Variants in CUX2 observed in about 807,000 individuals in gnomAD.
The protein encoded by CUX2 is cut like homeobox 2.
CUX2 carries 40 observed loss-of-function variants against 144.8 expected under a neutral mutation model. The observed-to-expected ratio is 0.28, with a 90% CI of 0.21 to 0.36. CUX2 has a LOEUF of 0.36. Ranked by LOEUF, CUX2 falls within the 10% of genes least tolerant of loss-of-function variation. The pLI, the probability that CUX2 is intolerant of heterozygous loss-of-function variation, is 1.00. For synonymous variants in CUX2, 827 were observed against 875.6 expected, an observed-to-expected ratio of 0.94 and a Z score of 0.98; for missense variants, 1,615 against 1,994.0, an observed-to-expected ratio of 0.81 and a Z score of 3.62.
chr12:111,196,587 G>T (rs906033754), intron 1 of CUX2, among the ~76,000 whole-genome samples: 3 of 152,104 alleles, frequency 2.0e-5, no homozygotes, highest in African/African-American at 7.2e-5. Flanking sequence ...TGAATGGCAG[G>T]TGGGGGGCAT....
At chr12:111,154,837 T>C (rs867758523) in intron 1 of CUX2, among the ~76,000 whole-genome samples, 5 of 152,136 alleles carry the variant, frequency 3.3e-5, no homozygotes, top group Middle Eastern at 3.2e-3. Flanking sequence ...ATGGGTGGGA[T>C]GTTGGACATC....
intron 3 of CUX2, among the ~76,000 whole-genome samples, chr12:111,229,846 C>T (rs540066374): frequency 6.6e-6 from 1 of 152,068 alleles, no homozygotes; most frequent in East Asian, 1.9e-4. Context: ...TATAGTGAAA[C>T]CCCATCTCTA....
rs1885793589 is a variant in CUX2 at position 111,293,318 on chromosome 12, C to T, written c.437-128C>T. 15 of 1,384,274 alleles carry T rather than the reference C, an allele frequency of 1.1e-5. No individual in the cohort carries two copies. Among genetic ancestry groups the T allele is most frequent in the South Asian group, 3.1e-5 (2 of 65,546 alleles). The allele number at this position is 1,384,274 out of a possible 1,614,324, so 85.7% of individuals were successfully genotyped here. On this transcript the variant is annotated intron_variant, in intron 5 of 21. Transcript: ENST00000261726. This position sits in a 1 kb window ranked among gnomAD's most constrained non-coding sequence, Gnocchi z 4.5. ...TGCGGCCCGCAGGGCCCCACAGCTGCGCTCTCTCCAAGGCCCAAGTTTGGG... is the reference window on the plus strand; with the variant it reads ...TGCGGCCCGCAGGGCCCCACAGCTGTGCTCTCTCCAAGGCCCAAGTTTGGG...
chr12:111,231,832 G>A (rs1882476889), intron 3 of CUX2, among the ~76,000 whole-genome samples: 1 of 152,166 alleles, frequency 6.6e-6, no homozygotes, highest in Non-Finnish European at 1.5e-5. Context: ...GAGGGGCCAG[G>A]TGCAGTGGCT....
chr12:111,045,066 GT>G (rs1869930732), intron 1 of CUX2, among the ~76,000 whole-genome samples: 1 of 152,218 alleles, frequency 6.6e-6, no homozygotes, highest in Non-Finnish European at 1.5e-5. Flanking sequence ...TGAGATGGCT[GT>G]CATCCAGGAC....
chr12:111,204,824 T>C (rs1429876565), intron 1 of CUX2, among the ~76,000 whole-genome samples: 1 of 152,202 alleles, frequency 6.6e-6, no homozygotes, highest in Non-Finnish European at 1.5e-5. Context: ...GTTATCCTGC[T>C]GTTCTCACAG....
intron 14 of CUX2, among the ~76,000 whole-genome samples, chr12:111,309,194 C>T (rs1444186303): frequency 2.6e-5 from 4 of 152,190 alleles, no homozygotes; most frequent in Admixed American, 6.5e-5. Flanking sequence ...CATAAGCCAC[C>T]GCACCCAGCC....
chr12:111,224,838 G>C (rs1184724008), intron 3 of CUX2, among the ~76,000 whole-genome samples: 3 of 152,128 alleles, frequency 2.0e-5, no homozygotes, highest in Non-Finnish European at 2.9e-5. Context: ...TAGATCGTCT[G>C]TTTCCTGGCT....
intron 1 of CUX2, among the ~76,000 whole-genome samples, chr12:111,131,795 A>G (rs1028582254): frequency 1.3e-5 from 2 of 152,188 alleles, no homozygotes; most frequent in East Asian, 3.9e-4. Context: ...ATGGCTTCCC[A>G]TGGTCTTGGG....
At chr12:111,240,994 G>A (rs536768085) in intron 3 of CUX2, among the ~76,000 whole-genome samples, 2 of 152,132 alleles carry the variant, frequency 1.3e-5, no homozygotes, top group African/African-American at 4.8e-5. Flanking sequence ...GTCTTAGTCC[G>A]TTTTGTGTTG....
In CUX2 at chr12:111,304,068, C is replaced by T; in HGVS notation, c.754-142C>T. On this transcript the variant is annotated intron_variant, in intron 9 of 21. Coordinates refer to ENST00000261726, the MANE Select transcript of CUX2 (RefSeq NM_015267.4). The surrounding 1 kb of genome is among the most constrained non-coding windows in gnomAD (Gnocchi z 4.7). ...GCTCTGTGACTGGTCTTCATAGCTC[C>T]AGGACAGGGTCCGGGACTAGGAAGG... is the stretch of plus-strand genomic sequence containing the variant. 1 of 633,732 alleles carries T rather than the reference C, an allele frequency of 1.6e-6. No homozygotes were observed. The highest frequency in any genetic ancestry group is 2.5e-5 in the Admixed American group (1 of 39,398). 39.3% of individuals were successfully genotyped at this position (633,732 alleles called of 1,614,324 possible).
chr12:111,271,515 C>T (rs1427751049), intron 4 of CUX2, among the ~76,000 whole-genome samples: 1 of 152,140 alleles, frequency 6.6e-6, no homozygotes, highest in Non-Finnish European at 1.5e-5. Context: ...TGTAATTTAC[C>T]TAACCCCTCT....
intron 1 of CUX2, among the ~76,000 whole-genome samples, chr12:111,152,755 G>A (rs1592944210): frequency 1.3e-5 from 2 of 152,234 alleles, no homozygotes; most frequent in East Asian, 1.9e-4. Context: ...GCAGGGGTGC[G>A]GTGCTGCGGG....
rs139645995 is a variant in CUX2, at chr12:111,076,507, G to T, written c.63+42267G>T. ...GTGGCAGAGCCGGGATTTGAATTCT[G>T]TTGGCTACACAGCTCACAGAGCCTC... On this transcript the variant is annotated intron_variant, in intron 1 of 21. Coordinates refer to ENST00000261726, the MANE Select transcript of CUX2 (RefSeq NM_015267.4). Among the ~76,000 whole-genome samples the T allele has an allele frequency of 1.2e-4, 19 of 152,344 alleles. No individual in the cohort carries two copies. In the East Asian group the frequency reaches 3.3e-3, roughly 26 times the overall value.
At chr12:111,105,864 C>CTT (rs1198818010) in intron 1 of CUX2, among the ~76,000 whole-genome samples, 27 of 132,358 alleles carry the variant, frequency 2.0e-4, no homozygotes, top group African/African-American at 2.8e-4. Flanking sequence ...AATAATGAGT[C>CTT]TTTTTTTTTT....
Position 111,293,371 on chromosome 12 carries a change from G to A in CUX2, c.437-75G>A, listed in dbSNP as rs994073934. The A allele has an allele frequency of 1.4e-5, 21 of 1,526,002 alleles. No homozygotes were observed. The African/African-American group carries it at 1.9e-4, about 14-fold the overall frequency. The allele number at this position is 1,526,002 out of a possible 1,614,324, so 94.5% of individuals were successfully genotyped here. Reference sequence around the variant, plus strand: ...ATTGATCACAATCAATGATCGATCCGGTTTACAGAAAGCGGCTCTGGCTGC... The same window carrying A: ...ATTGATCACAATCAATGATCGATCCAGTTTACAGAAAGCGGCTCTGGCTGC... On this transcript the variant is annotated intron_variant, in intron 5 of 21. Transcript: ENST00000261726. The surrounding 1 kb of genome is among the most constrained non-coding windows in gnomAD (Gnocchi z 4.5).
chr12:111,322,288 A>G lies in CUX2; in HGVS notation c.2767-133A>G. On this transcript the variant is annotated intron_variant, in intron 17 of 21. Transcript: ENST00000261726. The surrounding 1 kb of genome is among the most constrained non-coding windows in gnomAD (Gnocchi z 4.2). The stretch of plus-strand genomic sequence containing the variant: ...AGCTGAGATGGTGCCACTGCACTCC[A>G]TCCTGGGCGACAGACAAAGCGAGAC... 2.0e-6 allele frequency: 2 copies of G among 1,020,990 alleles called. No homozygotes were observed. Among genetic ancestry groups the G allele is most frequent in the Non-Finnish European group, 2.7e-6 (2 of 730,824 alleles). The allele number at this position is 1,020,990 out of a possible 1,614,324, so 63.2% of individuals were successfully genotyped here.
rs111743643 is a variant in CUX2, at chr12:111,239,148, G to A, written c.222+21211G>A. The stretch of plus-strand genomic sequence containing the variant: ...TCACACAGCCAGTTGGCAGCAGAAC[G>A]CCTCTCCTTATTCTAGTCTTTGTGT... On this transcript the variant is annotated intron_variant, in intron 3 of 21. Transcript: ENST00000261726. Among the ~76,000 whole-genome samples the A allele has an allele frequency of 6.6e-3, 1,005 of 152,266 alleles. 23 individuals carry two copies. The highest frequency in any genetic ancestry group is 0.023 in the African/African-American group (964 of 41,534).
chr12:111,280,282 C>G (rs570663281), intron 4 of CUX2, among the ~76,000 whole-genome samples: 2 of 152,274 alleles, frequency 1.3e-5, no homozygotes, highest in South Asian at 4.1e-4. Context: ...GAGCAAGACT[C>G]TGTCTCAAAT....
Sources: allele counts gnomAD v4.1 joint callset (sites outside exome capture counted in the v4.1 genomes callset), GRCh38; gene constraint gnomAD v4.1.1; non-coding constraint Gnocchi (gnomAD v3.1); transcripts MANE v1.5; gene names NCBI Gene and HGNC (gene_info 2026-07-23, HGNC 2026-07-21).